The following SEC24B variants were observed in gnomAD, a reference collection of about 807,000 sequenced individuals.
The protein encoded by SEC24B is SEC24 homolog B, COPII component.
SEC24B carries 45 observed loss-of-function variants against 142.8 expected under a neutral mutation model. The observed-to-expected ratio is 0.32, with a 90% CI of 0.25 to 0.40. The LOEUF (loss-of-function observed/expected upper bound fraction) is 0.40, where lower values mean the gene tolerates loss of function less well. Ranked by LOEUF, SEC24B falls within the 10% of genes least tolerant of loss-of-function variation. The pLI, the probability that SEC24B is intolerant of heterozygous loss-of-function variation, is 1.00. For synonymous variants in SEC24B, 574 were observed against 568.2 expected (o/e 1.01, Z -0.15); for missense variants, 1,409 against 1,526.8 (o/e 0.92, Z 1.29).
At chr4:109,456,695 T>C (rs940266790) in intron 1 of SEC24B, among the ~76,000 whole-genome samples, 2 of 152,236 alleles carry the variant, frequency 1.3e-5, no homozygotes, top group Non-Finnish European at 2.9e-5. Flanking sequence ...TTGAATCACA[T>C]TGAATGTATT....
At chr4:109,519,787 C>T (rs1723407951) in intron 11 of SEC24B, among the ~76,000 whole-genome samples, 1 of 152,184 alleles carries the variant, frequency 6.6e-6, no homozygotes, top group African/African-American at 2.4e-5. Flanking sequence ...GATGCATATT[C>T]TATTTTGGCA....
Position 109,539,696 on chromosome 4 carries a change from G to A in SEC24B, c.*21G>A, listed in dbSNP as rs750985693. On this transcript the variant is annotated 3_prime_UTR_variant, in exon 24 of 24. Coordinates refer to ENST00000265175, the MANE Select transcript of SEC24B (RefSeq NM_006323.5). ...AGTGAAGTAGAATAAAATTGAATAA[G>A]AAAAAGATCTATAACCTAGGTAAAG... 6 of 1,473,310 alleles carry A rather than the reference G, an allele frequency of 4.1e-6. No individual in the cohort carries two copies. The highest frequency in any genetic ancestry group is 2.8e-5 in the African/African-American group (2 of 71,522). 91.3% of individuals were successfully genotyped at this position (1,473,310 alleles called of 1,614,324 possible).
chr4:109,527,266 T>A, intron 17 of SEC24B, 56 bp from the exon 18 acceptor site: 1 of 1,178,678 alleles, frequency 8.5e-7, no homozygotes, highest in East Asian at 2.4e-5. Context: ...TTTGACATGT[T>A]TGCTTTGCTT....
chr4:109,512,044 C>T lies in SEC24B; in HGVS notation c.1864C>T (p.Arg622Cys), dbSNP rs760363355. 20 of 1,613,038 alleles carry T rather than the reference C, an allele frequency of 1.2e-5. No individual in the cohort carries two copies. The highest frequency in any genetic ancestry group is 1.1e-4 in the South Asian group (10 of 90,980). ...CCCCTTTGTATCCTTCATTGATCAACGTAGATGGAAATGCAATTTGTGCTA... is the reference window on the plus strand; with the variant it reads ...CCCCTTTGTATCCTTCATTGATCAATGTAGATGGAAATGCAATTTGTGCTA... ...INPFVSFIDQ[R>C]RWKCNLCYRV... Residue 622 changes from arginine to cysteine, a missense_variant, in exon 9 of 24, where the codon CGT (arginine) becomes TGT (cysteine). Physicochemically the swap from Arg to Cys is radical, Grantham distance 180. This residue lies in a region of SEC24B where 700 missense variants were observed against 853.3 expected (regional missense o/e 0.82). Coordinates refer to ENST00000265175, the MANE Select transcript of SEC24B (RefSeq NM_006323.5).
intron 3 of SEC24B, among the ~76,000 whole-genome samples, chr4:109,473,488 AG>A (rs34843361): frequency 0.1 from 15,648 of 152,114 alleles, 892 homozygotes; most frequent in Middle Eastern, 0.19. Flanking sequence ...TATTTTTTAA[AG>A]GTTATTATAG....
chr4:109,526,261 G>C lies in SEC24B; in HGVS notation c.2827G>C (p.Val943Leu). The change falls in exon 17 of 24, where the codon GTC becomes CTC. Residue 943 changes from valine to leucine, a missense_variant. Physicochemically the swap from Val to Leu is conservative, Grantham distance 32. This residue lies in a region of SEC24B where 700 missense variants were observed against 853.3 expected (regional missense o/e 0.82). Transcript: ENST00000265175. ...SMHTFHGNFF[V>L]RSTDLLSLAN... ...GCACACTTTTCACGGTAACTTCTTT[G>C]TCCGTTCTACTGATTTGTTATCCCT... 6.2e-7 allele frequency: 1 copy of C among 1,613,640 alleles called. No individual in the cohort carries two copies. Among genetic ancestry groups the C allele is most frequent in the South Asian group, 1.1e-5 (1 of 90,972 alleles).
At chr4:109,460,241 G>T (rs74834992) in intron 1 of SEC24B, among the ~76,000 whole-genome samples, 2,248 of 152,124 alleles carry the variant, frequency 0.015, 39 homozygotes, top group African/African-American at 0.038. Context: ...AGTACAAATT[G>T]AAAACAATTA....
intron 6 of SEC24B, among the ~76,000 whole-genome samples, chr4:109,496,199 G>A (rs189653262): frequency 1.3e-5 from 2 of 151,286 alleles, no homozygotes; most frequent in Non-Finnish European, 2.9e-5. Flanking sequence ...TGCAACCTCC[G>A]CCTACTGGGT....
chr4:109,449,634 A>G (rs1413684949), intron 1 of SEC24B: 4 of 402,184 alleles, frequency 9.9e-6, no homozygotes, highest in African/African-American at 4.2e-5. Flanking sequence ...GTGTGCTCAC[A>G]TGGCCTTTTC....
At chr4:109,461,151 C>G (rs1270218063) in intron 1 of SEC24B, among the ~76,000 whole-genome samples, 1 of 152,062 alleles carries the variant, frequency 6.6e-6, no homozygotes, top group African/African-American at 2.4e-5. Flanking sequence ...GAGAAAGACA[C>G]CCAAATGAGA....
chr4:109,528,548 AG>A, intron 18 of SEC24B, among the ~76,000 whole-genome samples: 1 of 152,248 alleles, frequency 6.6e-6, no homozygotes, highest in Non-Finnish European at 1.5e-5. Flanking sequence ...TTTACTGCAA[AG>A]GGGCAAGTAT....
intron 1 of SEC24B, among the ~76,000 whole-genome samples, chr4:109,457,309 A>G (rs1344651280): frequency 1.3e-5 from 2 of 152,196 alleles, no homozygotes; most frequent in Admixed American, 1.3e-4. Context: ...TGGCAGGTCT[A>G]CTTCTTAGTC....
At chr4:109,487,635 C>T (rs1231127766) in intron 4 of SEC24B, among the ~76,000 whole-genome samples, 2 of 152,178 alleles carry the variant, frequency 1.3e-5, no homozygotes, top group Non-Finnish European at 2.9e-5. Flanking sequence ...GATTTATTTG[C>T]CAGTAATGGC....
intron 1 of SEC24B, among the ~76,000 whole-genome samples, chr4:109,447,226 A>G (rs1228902982): frequency 6.6e-6 from 1 of 152,198 alleles, no homozygotes; most frequent in Non-Finnish European, 1.5e-5. Context: ...ATTTAGCATG[A>G]TAAGGATGTG....
At chr4:109,477,151 A>T (rs1733260397) in intron 3 of SEC24B, among the ~76,000 whole-genome samples, 1 of 149,686 alleles carries the variant, frequency 6.7e-6, no homozygotes, top group South Asian at 2.1e-4. Context: ...AAAAAAAAAA[A>T]AAAAAAAAAA....
chr4:109,491,192 A>G (rs1734984301), intron 4 of SEC24B, 135 bp from the exon 5 acceptor site: 2 of 618,862 alleles, frequency 3.2e-6, no homozygotes, highest in Non-Finnish European at 5.7e-6. Flanking sequence ...GTCTCTAGAC[A>G]TCAATCATTT....
At chr4:109,520,984 C>CT in intron 12 of SEC24B, 133 bp from the exon 13 acceptor site, 1 of 588,674 alleles carries the variant, frequency 1.7e-6, no homozygotes, top group Non-Finnish European at 3.0e-6. Flanking sequence ...AAGAGCAAAA[C>CT]TCCATCTCAA....
chr4:109,503,879 A>G lies in SEC24B; in HGVS notation c.1489-2449A>G, dbSNP rs59387273. Among the ~76,000 whole-genome samples the G allele has an allele frequency of 5.6e-3, 851 of 152,058 alleles. 17 individuals carry two copies. The highest frequency in any genetic ancestry group is 0.02 in the African/African-American group (810 of 41,482). ...CAGAATGGTTTACCCTTAGTTCACT[A>G]TCATTTATTAGATAATGTATCTTCT... On this transcript the variant is annotated intron_variant, in intron 6 of 23. Transcript: ENST00000265175.
chr4:109,497,031 C>T (rs1156757331), intron 6 of SEC24B, among the ~76,000 whole-genome samples: 1 of 152,224 alleles, frequency 6.6e-6, no homozygotes, highest in African/African-American at 2.4e-5. Flanking sequence ...CAATAGTCTG[C>T]AAACCATGGC....
Sources: allele counts gnomAD v4.1 joint callset (sites outside exome capture counted in the v4.1 genomes callset), GRCh38; gene constraint gnomAD v4.1.1; regional missense constraint gnomAD v4.1.1; transcripts MANE v1.5; gene names NCBI Gene and HGNC (gene_info 2026-07-23, HGNC 2026-07-21).